The following KCTD17 variants were observed in gnomAD, a reference collection of about 807,000 sequenced individuals.
KCTD17 encodes BTB/POZ domain-containing protein KCTD17.
A neutral mutation model predicts 41.5 loss-of-function variants in KCTD17; 20 were observed. That is an observed-to-expected ratio of 0.48 (90% CI 0.34 to 0.70). The LOEUF (loss-of-function observed/expected upper bound fraction) is 0.70. Among genes scored for constraint, KCTD17 ranks in the 30% least tolerant of loss-of-function variants. The pLI is 0.01. For synonymous variants in KCTD17, 156 were observed against 173.8 expected (o/e 0.90, Z 0.80); for missense variants, 317 against 427.2 (o/e 0.74, Z 2.27).
In KCTD17 at chr22:37,061,298, C is replaced by G; in HGVS notation, c.784+123C>G. ...CTCACGCCTCCATCCCGGGTCTGCC[C>G]TGGTCCCAGCCTCCCGTGCCCTCCA... On this transcript the variant is annotated intron_variant, in intron 7 of 8. Transcript: ENST00000403888. The surrounding 1 kb of genome is among the most constrained non-coding windows in gnomAD (Gnocchi z 6.6). 6.6e-7 allele frequency: 1 copy of G among 1,523,864 alleles called. No homozygotes were observed. The highest frequency in any genetic ancestry group is 1.7e-4 in the Middle Eastern group (1 of 5,900). 94.4% of individuals were successfully genotyped at this position (1,523,864 alleles called of 1,614,324 possible). A position where few individuals can be genotyped will look rare whatever the true frequency, so the allele number is the denominator to read the frequency against.
At chr22:37,054,288 C>T (rs144894099) in intron 2 of KCTD17, among the ~76,000 whole-genome samples, 46 of 152,280 alleles carry the variant, frequency 3.0e-4, no homozygotes, top group African/African-American at 1.0e-3. Flanking sequence ...AGTAAACACC[C>T]CAGCTGCGTC....
Position 37,051,951 on chromosome 22 carries a change from T to C in KCTD17, c.189+2T>C. 6.8e-7 allele frequency: 1 copy of C among 1,475,416 alleles called. No individual in the cohort carries two copies. The highest frequency in any genetic ancestry group is 1.3e-5 in the South Asian group (1 of 76,650). The allele number at this position is 1,475,416 out of a possible 1,614,324, so 91.4% of individuals were successfully genotyped here. ...GGGGAAGAGCTGCAGTCGGACCGGG[T>C]GAGGCCCCCGGGGTGGGCGGCGAGC... On this transcript the variant is annotated splice_donor_variant, in intron 1 of 8. Coordinates refer to ENST00000403888, the MANE Select transcript of KCTD17 (RefSeq NM_001282684.2). LOFTEE classifies it high-confidence loss of function.
intron 5 of KCTD17, among the ~76,000 whole-genome samples, chr22:37,059,955 C>G (rs1346385925): frequency 6.6e-6 from 1 of 152,230 alleles, no homozygotes; most frequent in Non-Finnish European, 1.5e-5. Context: ...AAATCCTGCC[C>G]CTTTCCCAGG....
Position 37,061,255 on chromosome 22 carries a change from G to C in KCTD17, c.784+80G>C, listed in dbSNP as rs982831531. ...GCCTCTTCCCTCTCTGCCCCTGTCCGGGTTTTCTCTCTGCCTGCTCACGCC... is the reference window on the plus strand; with the variant it reads ...GCCTCTTCCCTCTCTGCCCCTGTCCCGGTTTTCTCTCTGCCTGCTCACGCC... On this transcript the variant is annotated intron_variant, in intron 7 of 8. Transcript: ENST00000403888. This position sits in a 1 kb window ranked among gnomAD's most constrained non-coding sequence, Gnocchi z 6.6. 1.3e-6 allele frequency: 2 copies of C among 1,543,990 alleles called. No homozygotes were observed. The highest frequency in any genetic ancestry group is 2.0e-5 in the Admixed American group (1 of 50,932).
rs1245053166 is a variant in KCTD17, at chr22:37,053,318, T to C, written c.298+110T>C. ...GACGGCCATCTGCCTGCTTGGTTGT[T>C]TCCTGCCTCTTCCCAGTCGGACGGG... On this transcript the variant is annotated intron_variant, in intron 2 of 8. Transcript: ENST00000403888. The surrounding 1 kb of genome is among the most constrained non-coding windows in gnomAD (Gnocchi z 4.1). 2.5e-6 allele frequency: 2 copies of C among 788,726 alleles called. No homozygotes were observed. The highest frequency in any genetic ancestry group is 2.1e-6 in the Non-Finnish European group (1 of 474,864). 48.9% of individuals were successfully genotyped at this position (788,726 alleles called of 1,614,324 possible).
In KCTD17 at chr22:37,062,807, G is replaced by A. The variant is rs1479153406; in HGVS notation, c.*213G>A. 1 of 1,115,248 alleles carries A rather than the reference G, an allele frequency of 9.0e-7. No homozygotes were observed. The highest frequency in any genetic ancestry group is 1.2e-6 in the Non-Finnish European group (1 of 814,612). 69.1% of individuals were successfully genotyped at this position (1,115,248 alleles called of 1,614,324 possible). On this transcript the variant is annotated 3_prime_UTR_variant, in exon 9 of 9. Coordinates refer to ENST00000403888, the MANE Select transcript of KCTD17 (RefSeq NM_001282684.2). ...TCATGGCAGATGTGTGGCAATGTCT[G>A]GCTGTGTCTCTCCGGCACCTGCGTC...
intron 2 of KCTD17, among the ~76,000 whole-genome samples, chr22:37,056,060 C>T (rs575317477): frequency 9.2e-5 from 14 of 152,298 alleles, no homozygotes; most frequent in African/African-American, 1.7e-4. Flanking sequence ...CTGCCCCAGA[C>T]GGTGGCCTGG....
In KCTD17 at chr22:37,061,836, C is replaced by T; in HGVS notation, c.875+207C>T. On this transcript the variant is annotated intron_variant, in intron 8 of 8. Coordinates refer to ENST00000403888, the MANE Select transcript of KCTD17 (RefSeq NM_001282684.2). The surrounding 1 kb of genome is among the most constrained non-coding windows in gnomAD (Gnocchi z 6.6). Reference sequence around the variant, plus strand: ...CCAGCCCATCAGCACCAGAGCCAGGCTGGTGGGGAGGGAGGGACCGCTGAA... The same window carrying T: ...CCAGCCCATCAGCACCAGAGCCAGGTTGGTGGGGAGGGAGGGACCGCTGAA... 1 of 985,420 alleles carries T rather than the reference C, an allele frequency of 1.0e-6. No individual in the cohort carries two copies. The highest frequency in any genetic ancestry group is 1.2e-6 in the Non-Finnish European group (1 of 829,924). 61.0% of individuals were successfully genotyped at this position (985,420 alleles called of 1,614,324 possible). A position where few individuals can be genotyped will look rare whatever the true frequency, so the allele number is the denominator to read the frequency against.
chr22:37,054,005 A>G (rs1469788062), intron 2 of KCTD17, among the ~76,000 whole-genome samples: 3 of 152,160 alleles, frequency 2.0e-5, no homozygotes, highest in Admixed American at 1.3e-4. Context: ...TATCTATTCA[A>G]TGGGGGCGGT....
rs933744857 is a variant in KCTD17, at chr22:37,052,970, T to G, written c.190-130T>G. 52 of 711,174 alleles carry G rather than the reference T, an allele frequency of 7.3e-5. No individual in the cohort carries two copies. In the African/African-American group the frequency reaches 7.4e-4, roughly 10 times the overall value. 44.1% of individuals were successfully genotyped at this position (711,174 alleles called of 1,614,324 possible). Reference sequence around the variant, plus strand: ...CAGGTCCATCTGACCCCAGTGCCTTTTTGCTACTTTGTGCCTGCTCCATCC... The same window carrying G: ...CAGGTCCATCTGACCCCAGTGCCTTGTTGCTACTTTGTGCCTGCTCCATCC... On this transcript the variant is annotated intron_variant, in intron 1 of 8. Transcript: ENST00000403888.
At chr22:37,052,777 CAGAG>C in intron 1 of KCTD17, 1 of 429,950 alleles carries the variant, frequency 2.3e-6, no homozygotes, top group Non-Finnish European at 4.7e-6. Context: ...GACAGCCTCT[CAGAG>C]GGACATTCTT....
rs569043876 is a variant in KCTD17 at position 37,061,486 on chromosome 22, C to T, written c.785-53C>T. 10 of 1,561,836 alleles carry T rather than the reference C, an allele frequency of 6.4e-6. No individual in the cohort carries two copies. Among genetic ancestry groups the T allele is most frequent in the Non-Finnish European group, 8.6e-6 (10 of 1,158,804 alleles). ...TCTGAGACTGGGCCCTGGCTGCAGG[C>T]CCTGCCCCCCCTCCTCTCCTCCCGG... On this transcript the variant is annotated intron_variant, in intron 7 of 8. Transcript: ENST00000403888. The surrounding 1 kb of genome is among the most constrained non-coding windows in gnomAD (Gnocchi z 6.6).
intron 1 of KCTD17, 53 bp downstream of exon 1, chr22:37,052,002 A>C (rs1254909670): frequency 2.3e-6 from 3 of 1,292,580 alleles, no homozygotes; most frequent in Non-Finnish European, 3.0e-6. Context: ...CGCTCGCCCG[A>C]CGCGGGGCTG....
At position 37,053,069 on chromosome 22, in the gene KCTD17, T is replaced by C; in HGVS notation, c.190-31T>C. ...GGTTGGCTGGGGAGAAGCCTCACTC[T>C]TCTCTCACCGAGCATCCCTCACCTC... On this transcript the variant is annotated intron_variant, in intron 1 of 8. Transcript: ENST00000403888. This position sits in a 1 kb window ranked among gnomAD's most constrained non-coding sequence, Gnocchi z 4.1. 3.3e-6 allele frequency: 5 copies of C among 1,524,760 alleles called. No homozygotes were observed. The South Asian group carries it at 4.8e-5, about 15-fold the overall frequency. 94.5% of individuals were successfully genotyped at this position (1,524,760 alleles called of 1,614,324 possible). A position where few individuals can be genotyped will look rare whatever the true frequency, so the allele number is the denominator to read the frequency against.
chr22:37,055,445 G>A lies in KCTD17; in HGVS notation c.299-875G>A, dbSNP rs368639961. ...CTAATCCCATCACAGTTTTCAGCAG[G>A]TGGATTTTTGGGGAACACACACATT... On this transcript the variant is annotated intron_variant, in intron 2 of 8. Coordinates refer to ENST00000403888, the MANE Select transcript of KCTD17 (RefSeq NM_001282684.2). 5.3e-5 allele frequency: 8 copies of A among 152,320 alleles called. No homozygotes were observed. The East Asian group carries it at 1.2e-3, about 22-fold the overall frequency. 9.4% of individuals were successfully genotyped at this position (152,320 alleles called of 1,614,324 possible).
rs1199775667 is a variant in KCTD17, at chr22:37,051,914, C to G, written c.154C>G (p.Arg52Gly). The G allele has an allele frequency of 6.7e-7, 1 of 1,503,348 alleles. No homozygotes were observed. The highest frequency in any genetic ancestry group is 8.9e-7 in the Non-Finnish European group (1 of 1,126,466). 93.1% of individuals were successfully genotyped at this position (1,503,348 alleles called of 1,614,324 possible). A position where few individuals can be genotyped will look rare whatever the true frequency, so the allele number is the denominator to read the frequency against. ...LCREQKSFLS[R>G]LCQGEELQSD... ...CCGCGAGCAGAAGTCCTTCCTCAGC[C>G]GCCTGTGCCAGGGGGAAGAGCTGCA... The change falls in exon 1 of 9, where the codon CGC (arginine) becomes GGC (glycine). Residue 52 changes from arginine (R) to glycine (G), a missense_variant. Coordinates refer to ENST00000403888, the MANE Select transcript of KCTD17 (RefSeq NM_001282684.2).
At position 37,061,247 on chromosome 22, in the gene KCTD17, C is replaced by T; in HGVS notation, c.784+72C>T. 1 of 1,546,038 alleles carries T rather than the reference C, an allele frequency of 6.5e-7. No individual in the cohort carries two copies. The highest frequency in any genetic ancestry group is 1.4e-5 in the African/African-American group (1 of 73,138). ...TGCACCCTGCCTCTTCCCTCTCTGC[C>T]CCTGTCCGGGTTTTCTCTCTGCCTG... On this transcript the variant is annotated intron_variant, in intron 7 of 8. Transcript: ENST00000403888. This position sits in a 1 kb window ranked among gnomAD's most constrained non-coding sequence, Gnocchi z 6.6.
Position 37,060,937 on chromosome 22 carries a change from C to T in KCTD17, c.712+15C>T, listed in dbSNP as rs1363772778. 2 of 1,537,158 alleles carry T rather than the reference C, an allele frequency of 1.3e-6. No individual in the cohort carries two copies. Among genetic ancestry groups the T allele is most frequent in the African/African-American group, 1.4e-5 (1 of 72,816 alleles). On this transcript the variant is annotated intron_variant, in intron 6 of 8. Coordinates refer to ENST00000403888, the MANE Select transcript of KCTD17 (RefSeq NM_001282684.2). ...ACAGGAGAAAGGTGCAGCCAACCCC[C>T]AGGAGGATGATTGCTAAGCAAAGCC...
rs1348305752 is a variant in KCTD17 at position 37,053,105 on chromosome 22, G to A, written c.195G>A (p.Glu65=). ...QGEELQSDRD[E]TGAYLIDRDP... ...AGCATCCCTCACCTCCATAGGATGA[G>A]ACCGGGGCCTACCTCATTGACCGTG... Residue 65 remains glutamate, a synonymous_variant, in exon 2 of 9, where the codon GAG becomes GAA. Transcript: ENST00000403888. The surrounding 1 kb of genome is among the most constrained non-coding windows in gnomAD (Gnocchi z 4.1). 2 of 1,586,318 alleles carry A rather than the reference G, an allele frequency of 1.3e-6. No individual in the cohort carries two copies. Among genetic ancestry groups the A allele is most frequent in the Non-Finnish European group, 1.7e-6 (2 of 1,166,404 alleles).
Sources: gnomAD v4.1 joint callset for allele counts (sites outside exome capture counted in the v4.1 genomes callset) on GRCh38, gnomAD v4.1.1 for gene constraint, Gnocchi (gnomAD v3.1) non-coding constraint, MANE v1.5 for transcripts, NCBI Gene and HGNC (gene_info 2026-07-23, HGNC 2026-07-21) for gene names.